NLRP6: variants seen among roughly 807,000 people sequenced by gnomAD.
NLRP6 encodes NACHT, LRR and PYD domains-containing protein 6.
NLRP6 carries 55 observed loss-of-function variants against 70.9 expected under a neutral mutation model. That is an observed-to-expected ratio of 0.78 (90% CI 0.62 to 0.97). The LOEUF (loss-of-function observed/expected upper bound fraction) is 0.97. Among genes scored for constraint, NLRP6 ranks in the 50% least tolerant of loss-of-function variants. The pLI, the probability that NLRP6 is intolerant of heterozygous loss-of-function variation, is 0.00. For missense variants in NLRP6, 1,241 were observed against 1,238.3 expected (o/e 1.00, Z -0.03); for synonymous variants, 652 against 581.9 (o/e 1.12, Z -1.73).
In NLRP6 at chr11:280,559, C is replaced by T. The variant is rs918629801; in HGVS notation, c.825C>T (p.Leu275=). ...TGCTGGCCCAGCCGCAGCGGCTGCT[C>T]TTCATCCTGGACGGCGCGGACGAGC... is the stretch of plus-strand genomic sequence containing the variant. ...PQMLAQPQRL[L]FILDGADELP... Residue 275 remains leucine (L), a synonymous_variant, in exon 4 of 8, where the codon CTC becomes CTT. Transcript: ENST00000534750. The T allele has an allele frequency of 6.6e-7, 1 of 1,519,050 alleles. No homozygotes were observed. The highest frequency in any genetic ancestry group is 1.2e-5 in the South Asian group (1 of 80,684). The allele number at this position is 1,519,050 out of a possible 1,614,324, so 94.1% of individuals were successfully genotyped here. A position where few individuals can be genotyped will look rare whatever the true frequency, so the allele number is the denominator to read the frequency against.
chr11:279,270 GCGGGC>G, intron 1 of NLRP6, 52 bp from the exon 2 acceptor site: 3 of 1,215,992 alleles, frequency 2.5e-6, no homozygotes, highest in Non-Finnish European at 3.1e-6. Context: ...AGAGTCGGGG[GCGGGC>G]GGGGGTCACC....
Position 279,820 on chromosome 11 carries a change from A to C in NLRP6, c.311-14A>C, listed in dbSNP as rs1590267530. The C allele has an allele frequency of 6.3e-7, 1 of 1,584,168 alleles. No individual in the cohort carries two copies. The highest frequency in any genetic ancestry group is 2.3e-5 in the East Asian group (1 of 43,050). On this transcript the variant is annotated splice_polypyrimidine_tract_variant and intron_variant, in intron 2 of 7. Transcript: ENST00000534750. ...CCCGCCCTCGGCGGAACCTCACCCC[A>C]GTTTCCCTTCCAGGGCTCGGGCTCG...
Position 280,919 on chromosome 11 carries a change from C to T in NLRP6, c.1185C>T (p.Cys395=). The change falls in exon 4 of 8, where the codon TGC becomes TGT. Residue 395 remains cysteine (C), a synonymous_variant. Transcript: ENST00000534750. ...CFVPFVCWIV[C]TVLRQQLELG... ...TGCCCTTCGTGTGCTGGATCGTGTG[C>T]ACCGTGCTGCGCCAGCAGCTGGAGC... is the stretch of plus-strand genomic sequence containing the variant. 1 of 1,613,192 alleles carries T rather than the reference C, an allele frequency of 6.2e-7. No individual in the cohort carries two copies. Among genetic ancestry groups the T allele is most frequent in the Non-Finnish European group, 8.5e-7 (1 of 1,179,898 alleles).
In NLRP6 at chr11:281,373, C is replaced by A; in HGVS notation, c.1639C>A (p.Leu547Ile). 1 of 1,610,542 alleles carries A rather than the reference C, an allele frequency of 6.2e-7. No individual in the cohort carries two copies. Among genetic ancestry groups the A allele is most frequent in the Non-Finnish European group, 8.5e-7 (1 of 1,178,964 alleles). The change falls in exon 4 of 8, where the codon CTC (leucine) becomes ATC (isoleucine). Residue 547 changes from leucine (L) to isoleucine (I), a missense_variant. By Grantham distance (5) the Leu-to-Ile change is conservative (BLOSUM62 2). Transcript: ENST00000534750. ...HSHLVLTTRF[L>I]FGLLSAERMR... The stretch of plus-strand genomic sequence containing the variant: ...CCACTTGGTGCTCACCACGCGCTTC[C>A]TCTTCGGACTGCTGAGCGCGGAGCG...
intron 2 of NLRP6, 99 bp from the exon 3 acceptor site, chr11:279,734 AG>A: frequency 7.3e-7 from 1 of 1,363,090 alleles, no homozygotes; most frequent in Non-Finnish European, 9.6e-7. Flanking sequence ...CGCGGGCCCC[AG>A]GGGTAGGACC....
At chr11:282,945 C>A in intron 5 of NLRP6, 148 bp downstream of exon 5, 1 of 683,506 alleles carries the variant, frequency 1.5e-6, no homozygotes, top group Non-Finnish European at 2.7e-6. Context: ...AGGCTCTGCC[C>A]ACACAGAGCA....
At position 279,596 on chromosome 11, in the gene NLRP6, G is replaced by T. The variant is rs1413395225; in HGVS notation, c.299G>T (p.Arg100Leu). The change falls in exon 2 of 8, where the codon CGG becomes CTG. Residue 100 changes from arginine (R) to leucine (L), a missense_variant. By Grantham distance (102) the Arg-to-Leu change is moderately radical. Coordinates refer to ENST00000534750, the MANE Select transcript of NLRP6 (RefSeq NM_001276700.2). ...ARDVAAQLQE[R>L]RLQRLGLGSG... ...GACGTGGCGGCGCAGCTCCAGGAGCGGCGGCTGCAGCGTGAGTTCTGCGCG... is the reference window on the plus strand; with the variant it reads ...GACGTGGCGGCGCAGCTCCAGGAGCTGCGGCTGCAGCGTGAGTTCTGCGCG... The T allele has an allele frequency of 1.4e-6, 2 of 1,402,786 alleles. No individual in the cohort carries two copies. The highest frequency in any genetic ancestry group is 1.8e-6 in the Non-Finnish European group (2 of 1,082,786). The allele number at this position is 1,402,786 out of a possible 1,614,324, so 86.9% of individuals were successfully genotyped here. A position where few individuals can be genotyped will look rare whatever the true frequency, so the allele number is the denominator to read the frequency against.
At position 281,190 on chromosome 11, in the gene NLRP6, C is replaced by T. The variant is rs775602623; in HGVS notation, c.1456C>T (p.Pro486Ser). The T allele has an allele frequency of 6.2e-7, 1 of 1,613,230 alleles. No homozygotes were observed. Among genetic ancestry groups the T allele is most frequent in the Admixed American group, 1.7e-5 (1 of 60,036 alleles). Residue 486 changes from proline (P) to serine (S), a missense_variant, in exon 4 of 8, where the codon CCG (proline) becomes TCG (serine). Coordinates refer to ENST00000534750, the MANE Select transcript of NLRP6 (RefSeq NM_001276700.2). The part of the protein sequence containing the change: ...QTLFLSKKEL[P>S]GVLETEVTYQ... ...GCTGTTTCTCAGCAAAAAGGAGCTGCCGGGCGTGCTGGAGACAGAGGTCAC... is the reference window on the plus strand; with the variant it reads ...GCTGTTTCTCAGCAAAAAGGAGCTGTCGGGCGTGCTGGAGACAGAGGTCAC...
Position 282,722 on chromosome 11 carries a change from AACAAC to A in NLRP6, c.2124_2128del (p.Lys708AsnfsTer15). On this transcript the variant is annotated frameshift_variant, in exon 5 of 8. Transcript: ENST00000534750. LOFTEE classifies it high-confidence loss of function. ...CCCAGCAGTTCTCAAGGCACCACAA[AACAAC>A]TGCCAGCCTCCCTTCTTCATCCACT... The A allele has an allele frequency of 6.2e-7, 1 of 1,613,926 alleles. No homozygotes were observed. The highest frequency in any genetic ancestry group is 8.5e-7 in the Non-Finnish European group (1 of 1,179,870).
intron 1 of NLRP6, 150 bp from the exon 2 acceptor site, chr11:279,177 C>G: frequency 1.5e-6 from 1 of 652,632 alleles, no homozygotes. Context: ...CTCCCCGTTG[C>G]CCCCTCCCGC....
chr11:285,206 C>A lies in NLRP6; in HGVS notation c.2578C>A (p.Leu860Ile), dbSNP rs1231023643. The A allele has an allele frequency of 1.3e-6, 2 of 1,598,104 alleles. No individual in the cohort carries two copies. Among genetic ancestry groups the A allele is most frequent in the African/African-American group, 2.7e-5 (2 of 74,666 alleles). ...GCTGAGCGAGCAGTCACTACAGGAG[C>A]TTCAGGCTGTGAAGAGAGCAAAGCC... is the stretch of plus-strand genomic sequence containing the variant. The part of the protein sequence containing the change: ...VELSEQSLQE[L>I]QAVKRAKPDL... The change falls in exon 8 of 8, where the codon CTT becomes ATT. Residue 860 changes from leucine to isoleucine, a missense_variant. By Grantham distance (5) the Leu-to-Ile change is conservative (BLOSUM62 2). Coordinates refer to ENST00000534750, the MANE Select transcript of NLRP6 (RefSeq NM_001276700.2).
chr11:278,499 C>A lies in NLRP6; in HGVS notation c.-71C>A. On this transcript the variant is annotated 5_prime_UTR_variant, in exon 1 of 8. Coordinates refer to ENST00000534750, the MANE Select transcript of NLRP6 (RefSeq NM_001276700.2). The surrounding 1 kb of genome is among the most constrained non-coding windows in gnomAD (Gnocchi z 4.7). ...CCTCTAAGACTTGGCTCCAGCTCAG[C>A]CTGTGAAGGAATCACCTCTCTGATC... The A allele has an allele frequency of 7.6e-7, 1 of 1,321,058 alleles. No individual in the cohort carries two copies. 81.8% of individuals were successfully genotyped at this position (1,321,058 alleles called of 1,614,324 possible). A position where few individuals can be genotyped will look rare whatever the true frequency, so the allele number is the denominator to read the frequency against.
In NLRP6 at chr11:280,353, G is replaced by A; in HGVS notation, c.619G>A (p.Gly207Ser). ...TVVLQGPAGIGKTMAAKKILY... is the reference protein window; with the variant it reads ...TVVLQGPAGISKTMAAKKILY... ...GGTGCTGCAGGGCCCGGCGGGCATCGGCAAGACCATGGCGGCCAAAAAGAT... is the reference window on the plus strand; with the variant it reads ...GGTGCTGCAGGGCCCGGCGGGCATCAGCAAGACCATGGCGGCCAAAAAGAT... The change falls in exon 4 of 8, where the codon GGC (glycine) becomes AGC (serine). Residue 207 changes from glycine (G) to serine (S), a missense_variant. By Grantham distance (56) the Gly-to-Ser change is moderately conservative. Transcript: ENST00000534750. 6.5e-7 allele frequency: 1 copy of A among 1,530,818 alleles called. No individual in the cohort carries two copies. The highest frequency in any genetic ancestry group is 8.8e-7 in the Non-Finnish European group (1 of 1,142,076). 94.8% of individuals were successfully genotyped at this position (1,530,818 alleles called of 1,614,324 possible). A position where few individuals can be genotyped will look rare whatever the true frequency, so the allele number is the denominator to read the frequency against.
intron 5 of NLRP6, among the ~76,000 whole-genome samples, 175 bp from the exon 6 acceptor site, chr11:284,055 G>A (rs1051889954): frequency 7.2e-5 from 11 of 152,208 alleles, no homozygotes; most frequent in Middle Eastern, 6.8e-3. Flanking sequence ...ACAGCTCCCC[G>A]GGGGTGCATG....
At chr11:279,795 C>A in intron 2 of NLRP6, 39 bp from the exon 3 acceptor site, 1 of 1,575,538 alleles carries the variant, frequency 6.3e-7, no homozygotes, top group Non-Finnish European at 8.6e-7. Context: ...TTCCCCTGTT[C>A]CCGCCCTCGG....
In NLRP6 at chr11:280,560, T is replaced by C; in HGVS notation, c.826T>C (p.Phe276Leu). ...QMLAQPQRLLFILDGADELPA... is the reference protein window; with the variant it reads ...QMLAQPQRLLLILDGADELPA... ...GCTGGCCCAGCCGCAGCGGCTGCTCTTCATCCTGGACGGCGCGGACGAGCT... is the reference window on the plus strand; with the variant it reads ...GCTGGCCCAGCCGCAGCGGCTGCTCCTCATCCTGGACGGCGCGGACGAGCT... Residue 276 changes from phenylalanine to leucine, a missense_variant, in exon 4 of 8, where the codon TTC becomes CTC. Phe to Leu is a conservative substitution (Grantham distance 22, BLOSUM62 0). Coordinates refer to ENST00000534750, the MANE Select transcript of NLRP6 (RefSeq NM_001276700.2). 6.6e-7 allele frequency: 1 copy of C among 1,516,230 alleles called. No homozygotes were observed. Among genetic ancestry groups the C allele is most frequent in the Non-Finnish European group, 8.7e-7 (1 of 1,143,728 alleles). 93.9% of individuals were successfully genotyped at this position (1,516,230 alleles called of 1,614,324 possible). A position where few individuals can be genotyped will look rare whatever the true frequency, so the allele number is the denominator to read the frequency against.
chr11:280,020 C>T (rs1845443912), intron 3 of NLRP6, 64 bp from the exon 4 acceptor site: 1 of 1,427,314 alleles, frequency 7.0e-7, no homozygotes, highest in East Asian at 2.6e-5. Context: ...GGCGTGGGCT[C>T]CCGGAGGGCG....
At position 284,473 on chromosome 11, in the gene NLRP6, A is replaced by G; in HGVS notation, c.2370-2A>G. On this transcript the variant is annotated splice_acceptor_variant, in intron 6 of 7. Coordinates refer to ENST00000534750, the MANE Select transcript of NLRP6 (RefSeq NM_001276700.2). LOFTEE classifies it high-confidence loss of function. ...CAGCTCCTGAGGTCGGCCCTCCCACAGGGTACAGCTGCCTGACCCCCAGCG... is the reference window on the plus strand; with the variant it reads ...CAGCTCCTGAGGTCGGCCCTCCCACGGGGTACAGCTGCCTGACCCCCAGCG... 3 of 1,611,272 alleles carry G rather than the reference A, an allele frequency of 1.9e-6. No individual in the cohort carries two copies. Among genetic ancestry groups the G allele is most frequent in the Non-Finnish European group, 2.5e-6 (3 of 1,178,602 alleles).
chr11:284,202 G>A (rs1248679401), intron 5 of NLRP6, 28 bp from the exon 6 acceptor site: 1 of 1,611,010 alleles, frequency 6.2e-7, no homozygotes. Context: ...GGCGCCTGCA[G>A]GTAAATCTCT....
Sources: allele counts gnomAD v4.1 joint callset (sites outside exome capture counted in the v4.1 genomes callset), GRCh38; gene constraint gnomAD v4.1.1; non-coding constraint Gnocchi (gnomAD v3.1); transcripts MANE v1.5; gene names NCBI Gene and HGNC (gene_info 2026-07-23, HGNC 2026-07-21).